The following RABGAP1L variants were observed in gnomAD, a reference collection of about 807,000 sequenced individuals.
RABGAP1L encodes the protein RAB GTPase activating protein 1 like.
A neutral mutation model predicts 137.7 loss-of-function variants in RABGAP1L; 63 were observed. That is an observed-to-expected ratio of 0.46 (90% CI 0.37 to 0.56). RABGAP1L has a LOEUF of 0.56. Ranked by LOEUF, RABGAP1L falls within the 20% of genes least tolerant of loss-of-function variation. RABGAP1L has a pLI of 0.00. For missense variants in RABGAP1L, 1,095 were observed against 1,244.0 expected (o/e 0.88, Z 1.80); for synonymous variants, 431 against 433.7 (o/e 0.99, Z 0.08).
chr1:174,551,025 TACACAC>T (rs752146297), intron 13 of RABGAP1L, among the ~76,000 whole-genome samples: 3 of 117,792 alleles, frequency 2.5e-5, no homozygotes, highest in East Asian at 3.0e-4. Context: ...TATATATACA[TACACAC>T]ACACACATAT....
chr1:174,212,411 A>G (rs990723877), intron 1 of RABGAP1L, among the ~76,000 whole-genome samples: 2 of 152,094 alleles, frequency 1.3e-5, no homozygotes, highest in South Asian at 4.1e-4. Flanking sequence ...ATACAAACAC[A>G]TGGAAATTAA....
intron 11 of RABGAP1L, among the ~76,000 whole-genome samples, chr1:174,336,276 C>T (rs1474241663): frequency 1.3e-5 from 2 of 152,130 alleles, no homozygotes; most frequent in Admixed American, 1.3e-4. Flanking sequence ...AGGCATGTGC[C>T]ACTACCCCAG....
intron 17 of RABGAP1L, among the ~76,000 whole-genome samples, chr1:174,722,369 A>G (rs557279038): frequency 2.6e-5 from 4 of 152,322 alleles, no homozygotes; most frequent in African/African-American, 9.6e-5. Context: ...TATATGTAAG[A>G]TGTACGAAAA....
At chr1:174,565,886 T>A (rs1453561681) in intron 13 of RABGAP1L, among the ~76,000 whole-genome samples, 1 of 115,548 alleles carries the variant, frequency 8.7e-6, no homozygotes, top group Non-Finnish European at 1.9e-5. Flanking sequence ...TCCTTTACAT[T>A]TTTTTTTTTT....
intron 20 of RABGAP1L, chr1:174,964,921 C>CTTTT (rs746792237): frequency 6.8e-7 from 1 of 1,467,798 alleles, no homozygotes; most frequent in Non-Finnish European, 9.0e-7. Context: ...ATTGGATATT[C>CTTTT]TTTTTTTTTA....
chr1:174,654,409 A>G lies in RABGAP1L; in HGVS notation c.1824+16921A>G, dbSNP rs191573944. Among the ~76,000 whole-genome samples the G allele has an allele frequency of 2.6e-4, 40 of 152,350 alleles. 2 individuals are homozygous for G. In the East Asian group the frequency reaches 4.6e-3, roughly 18 times the overall value. ...AACCCTAAAAGAGCATTCTATTTCTATCACTTACTTCTTCTGTGAAGTACT... is the reference window on the plus strand; with the variant it reads ...AACCCTAAAAGAGCATTCTATTTCTGTCACTTACTTCTTCTGTGAAGTACT... On this transcript the variant is annotated intron_variant, in intron 14 of 25. Transcript: ENST00000681986.
At chr1:174,652,080 C>T (rs1287847730) in intron 14 of RABGAP1L, among the ~76,000 whole-genome samples, 2 of 152,138 alleles carry the variant, frequency 1.3e-5, no homozygotes, top group African/African-American at 2.4e-5. Flanking sequence ...TATTTTATTT[C>T]TCCTTCACGT....
chr1:174,938,000 C>T lies in RABGAP1L; in HGVS notation c.2341-19457C>T, dbSNP rs111747020. Among the ~76,000 whole-genome samples, 9 of 134,296 alleles carry T rather than the reference C, an allele frequency of 6.7e-5. No homozygotes were observed. The East Asian group carries it at 9.4e-4, about 14-fold the overall frequency. The allele number at this position is 134,296 out of a possible 152,430, so 88.1% of individuals were successfully genotyped here. A position where few individuals can be genotyped will look rare whatever the true frequency, so the allele number is the denominator to read the frequency against. On this transcript the variant is annotated intron_variant, in intron 19 of 25. Coordinates refer to ENST00000681986, the MANE Select transcript of RABGAP1L (RefSeq NM_001366446.1). ...TGCTAGGATTACAGGCATGAGCCAC[C>T]GTGCCTGTCACATTTCAGGTTATTA...
intron 17 of RABGAP1L, among the ~76,000 whole-genome samples, chr1:174,731,065 C>T (rs1461992460): frequency 6.6e-6 from 1 of 152,132 alleles, no homozygotes; most frequent in Non-Finnish European, 1.5e-5. Context: ...ACCTCTGCCT[C>T]CTGGGTTCAA....
At chr1:174,175,492 CTTTTTTT>C (rs771691150) in intron 1 of RABGAP1L, among the ~76,000 whole-genome samples, 1 of 137,198 alleles carries the variant, frequency 7.3e-6, no homozygotes, top group African/African-American at 2.7e-5. Context: ...TTTCTTTTTT[CTTTTTTT>C]TTTTTTTTGA....
Position 174,659,812 on chromosome 1 carries a change from G to T in RABGAP1L, c.1824+22324G>T, listed in dbSNP as rs367802720. ...TTCTCACAAAAGCTGCTCACCCGTA[G>T]TTTTTTTTTCCCATCTCAGCTAACA... On this transcript the variant is annotated intron_variant, in intron 14 of 25. Coordinates refer to ENST00000681986, the MANE Select transcript of RABGAP1L (RefSeq NM_001366446.1). Among the ~76,000 whole-genome samples, 192 of 151,686 alleles carry T rather than the reference G, an allele frequency of 1.3e-3. 1 individual carries two copies. Among genetic ancestry groups the T allele is most frequent in the African/African-American group, 4.3e-3 (180 of 41,396 alleles).
chr1:174,929,164 T>C (rs1287368517), intron 19 of RABGAP1L, among the ~76,000 whole-genome samples: 2 of 152,062 alleles, frequency 1.3e-5, no homozygotes, highest in African/African-American at 4.8e-5. Context: ...TGTATACATA[T>C]GTAACAAACC....
At chr1:174,792,119 G>A (rs955686395) in intron 18 of RABGAP1L, among the ~76,000 whole-genome samples, 17 of 152,200 alleles carry the variant, frequency 1.1e-4, no homozygotes, top group African/African-American at 3.1e-4. Context: ...TTGGCTTCCT[G>A]ACTCTGCCTC....
chr1:174,717,669 A>G (rs1331524723), intron 17 of RABGAP1L, among the ~76,000 whole-genome samples: 3 of 152,202 alleles, frequency 2.0e-5, no homozygotes, highest in East Asian at 1.9e-4. Flanking sequence ...TACTTTGCCT[A>G]TTCACCAATC....
chr1:174,895,895 G>A (rs964677568), intron 19 of RABGAP1L, among the ~76,000 whole-genome samples: 22 of 152,256 alleles, frequency 1.4e-4, no homozygotes, highest in African/African-American at 4.8e-4. Context: ...TAGTGCCACA[G>A]TAAACATATG....
intron 13 of RABGAP1L, among the ~76,000 whole-genome samples, chr1:174,637,074 A>G (rs965670519): frequency 6.6e-6 from 1 of 152,188 alleles, no homozygotes; most frequent in African/African-American, 2.4e-5. Context: ...AGTGAAAGAA[A>G]CAGTCTAGTT....
chr1:174,730,723 CAG>C (rs983075175), intron 17 of RABGAP1L, among the ~76,000 whole-genome samples: 2 of 152,176 alleles, frequency 1.3e-5, no homozygotes, highest in African/African-American at 4.8e-5. Context: ...TAGTTTTAGC[CAG>C]AGAGTCATAG....
rs1159259220 is a variant in RABGAP1L, at chr1:174,550,909, TACAC to T, written c.1711-86456_1711-86453del. On this transcript the variant is annotated intron_variant, in intron 13 of 25. Coordinates refer to ENST00000681986, the MANE Select transcript of RABGAP1L (RefSeq NM_001366446.1). ...ATATATATATATACACACACACATA[TACAC>T]ACACACACATATATATATACACATA... is the stretch of plus-strand genomic sequence containing the variant. 2.1e-3 allele frequency among the ~76,000 whole-genome samples: 95 copies of T among 46,282 alleles called. 5 individuals are homozygous for T. Among genetic ancestry groups the T allele is most frequent in the African/African-American group, 9.5e-3 (62 of 6,538 alleles). The allele number at this position is 46,282 out of a possible 152,430, so 30.4% of individuals were successfully genotyped here.
At chr1:174,825,728 C>G (rs1691497482) in intron 19 of RABGAP1L, among the ~76,000 whole-genome samples, 1 of 152,112 alleles carries the variant, frequency 6.6e-6, no homozygotes, top group East Asian at 1.9e-4. Context: ...ACTAAAGATA[C>G]AAAATTAGCT....
Sources: allele counts gnomAD v4.1 joint callset (sites outside exome capture counted in the v4.1 genomes callset), GRCh38; gene constraint gnomAD v4.1.1; transcripts MANE v1.5; gene names NCBI Gene and HGNC (gene_info 2026-07-23, HGNC 2026-07-21).